The following ADGRL3 variants were observed in gnomAD, a reference collection of about 807,000 sequenced individuals.
The protein encoded by ADGRL3 is calcium-independent alpha-latrotoxin receptor 3.
A neutral mutation model predicts 153.5 loss-of-function variants in ADGRL3; 62 were observed. The ratio of observed to expected loss-of-function variants is 0.40; its 90% confidence interval spans 0.33 to 0.50. ADGRL3 has a LOEUF of 0.50. ADGRL3 is among the 20% of genes least tolerant of loss of function. ADGRL3 has a pLI of 0.47. For synonymous variants in ADGRL3, 710 were observed against 672.5 expected, an observed-to-expected ratio of 1.06 and a Z score of -0.86; for missense variants, 1,641 against 1,859.4, an observed-to-expected ratio of 0.88 and a Z score of 2.16.
intron 6 of ADGRL3, among the ~76,000 whole-genome samples, chr4:61,679,631 C>T (rs749976533): frequency 1.3e-5 from 2 of 151,992 alleles, no homozygotes; most frequent in African/African-American, 2.4e-5. Context: ...CATGCATAGG[C>T]TATTTAATTT....
chr4:61,566,307 A>T (rs977887906), intron 4 of ADGRL3, among the ~76,000 whole-genome samples: 3 of 152,102 alleles, frequency 2.0e-5, no homozygotes, highest in Admixed American at 2.0e-4. Context: ...TCTTATAAAG[A>T]CATGAGTTCT....
intron 13 of ADGRL3, among the ~76,000 whole-genome samples, chr4:61,929,388 C>T (rs2098807869): frequency 6.6e-6 from 1 of 152,108 alleles, no homozygotes; most frequent in Non-Finnish European, 1.5e-5. Context: ...GTTCTAGCAG[C>T]CCAAATGGAC....
At chr4:61,959,252 T>C (rs2098979025) in intron 17 of ADGRL3, among the ~76,000 whole-genome samples, 2 of 152,196 alleles carry the variant, frequency 1.3e-5, no homozygotes, top group South Asian at 4.1e-4. Context: ...ATTTCTACTG[T>C]GGTTTTGTAG....
In ADGRL3 at chr4:61,229,301, C is replaced by G. The variant is rs373522417; in HGVS notation, c.-240+27536C>G. Among the ~76,000 whole-genome samples, 10 of 152,288 alleles carry G rather than the reference C, an allele frequency of 6.6e-5. No individual in the cohort carries two copies. In the East Asian group the frequency reaches 1.9e-3, roughly 29 times the overall value. The stretch of plus-strand genomic sequence containing the variant: ...TGAATAATGAATGCTTATAAAATAA[C>G]CTATACCAAATGAGTTGTATAGATA... On this transcript the variant is annotated intron_variant, in intron 1 of 26. Coordinates refer to ENST00000683033, the MANE Select transcript of ADGRL3 (RefSeq NM_001387552.1).
intron 8 of ADGRL3, among the ~76,000 whole-genome samples, chr4:61,777,073 C>T (rs971152954): frequency 1.3e-5 from 2 of 152,156 alleles, no homozygotes; most frequent in East Asian, 1.9e-4. Flanking sequence ...TGCTGGCTCA[C>T]GCCTGTAACC....
chr4:61,769,741 G>T (rs1332760903), intron 8 of ADGRL3, among the ~76,000 whole-genome samples: 1 of 151,552 alleles, frequency 6.6e-6, no homozygotes, highest in African/African-American at 2.4e-5. Flanking sequence ...GGGTAGGAGT[G>T]GGGGTTGCAA....
intron 11 of ADGRL3, among the ~76,000 whole-genome samples, chr4:61,900,862 A>G (rs1192003357): frequency 1.3e-5 from 2 of 152,240 alleles, no homozygotes; most frequent in Admixed American, 1.3e-4. Flanking sequence ...ATTGAAAGCC[A>G]ACAAGTTGAC....
intron 1 of ADGRL3, among the ~76,000 whole-genome samples, chr4:61,309,425 G>A (rs1409255477): frequency 1.3e-5 from 2 of 152,096 alleles, no homozygotes; most frequent in Admixed American, 1.3e-4. Context: ...TTTACTCATT[G>A]CATATGTGTG....
chr4:61,756,180 A>G (rs560041552), intron 8 of ADGRL3, among the ~76,000 whole-genome samples: 24 of 152,268 alleles, frequency 1.6e-4, no homozygotes, highest in Admixed American at 4.6e-4. Context: ...ATTGATGGGG[A>G]TGGCGTTGAA....
intron 17 of ADGRL3, among the ~76,000 whole-genome samples, chr4:61,976,292 G>A (rs2099047722): frequency 1.3e-5 from 2 of 152,024 alleles, no homozygotes; most frequent in Admixed American, 1.3e-4. Flanking sequence ...TAATTCAACT[G>A]GTCTTCCTCT....
chr4:61,350,343 G>GTT (rs34524532), intron 1 of ADGRL3, among the ~76,000 whole-genome samples: 4,324 of 127,764 alleles, frequency 0.034, 149 homozygotes, highest in African/African-American at 0.06. Flanking sequence ...TCTGATGGAG[G>GTT]TTTTTTTTTT....
chr4:61,486,330 T>G (rs900159686), intron 2 of ADGRL3, among the ~76,000 whole-genome samples: 3 of 152,136 alleles, frequency 2.0e-5, no homozygotes, highest in African/African-American at 7.2e-5. Context: ...ATGATACTGA[T>G]TTTATATTTA....
intron 9 of ADGRL3, among the ~76,000 whole-genome samples, chr4:61,883,209 A>G (rs2098518719): frequency 6.6e-6 from 1 of 151,974 alleles, no homozygotes; most frequent in Non-Finnish European, 1.5e-5. Context: ...TATCCTTAGC[A>G]CTTCTTAATA....
chr4:61,580,913 G>A (rs1304008278), intron 4 of ADGRL3, among the ~76,000 whole-genome samples: 5 of 152,002 alleles, frequency 3.3e-5, no homozygotes, highest in South Asian at 4.1e-4. Flanking sequence ...CTTTAGAAGC[G>A]AGTCACTCAG....
intron 11 of ADGRL3, among the ~76,000 whole-genome samples, chr4:61,903,650 C>CAACAAAAAA (rs2098678004): frequency 1.4e-5 from 1 of 72,342 alleles, no homozygotes; most frequent in Admixed American, 2.5e-4. Flanking sequence ...TGGGAAACAG[C>CAACAAAAAA]AAAAAAAAAA....
intron 5 of ADGRL3, among the ~76,000 whole-genome samples, chr4:61,601,262 A>C (rs1344866858): frequency 1.3e-5 from 2 of 152,190 alleles, no homozygotes; most frequent in African/African-American, 4.8e-5. Flanking sequence ...TTCAAATCAC[A>C]CAGGGAACAC....
intron 17 of ADGRL3, among the ~76,000 whole-genome samples, chr4:61,963,457 T>A (rs1213588321): frequency 1.3e-5 from 2 of 152,082 alleles, no homozygotes; most frequent in African/African-American, 4.8e-5. Flanking sequence ...TTGTTTTCTT[T>A]GTTGTGTTTA....
intron 1 of ADGRL3, among the ~76,000 whole-genome samples, chr4:61,207,182 A>G (rs1737680155): frequency 6.6e-6 from 1 of 151,872 alleles, no homozygotes; most frequent in Non-Finnish European, 1.5e-5. Flanking sequence ...TATTTCTCCT[A>G]ATGCTATCCC....
intron 9 of ADGRL3, among the ~76,000 whole-genome samples, chr4:61,891,364 A>T (rs2098583875): frequency 6.6e-6 from 1 of 152,198 alleles, no homozygotes; most frequent in African/African-American, 2.4e-5. Flanking sequence ...ATTACCATTC[A>T]TATGGAAAGG....
Sources: gnomAD v4.1 joint callset for allele counts (sites outside exome capture counted in the v4.1 genomes callset) on GRCh38, gnomAD v4.1.1 for gene constraint, MANE v1.5 for transcripts, NCBI Gene and HGNC (gene_info 2026-07-23, HGNC 2026-07-21) for gene names.